Variants in PLBD2 observed in about 807,000 individuals in gnomAD.
PLBD2 encodes putative aminopeptidase PLBD2.
Under a neutral mutation model 68.3 loss-of-function variants are expected in PLBD2, and 51 were observed. The ratio of observed to expected loss-of-function variants is 0.75; its 90% confidence interval spans 0.60 to 0.94. The LOEUF is 0.94. Ranked by LOEUF, PLBD2 falls within the 40% of genes least tolerant of loss-of-function variation. The pLI, the probability that PLBD2 is intolerant of heterozygous loss-of-function variation, is 0.00. For missense variants in PLBD2, 729 were observed against 792.2 expected (o/e 0.92, Z 0.96); for synonymous variants, 314 against 339.3 (o/e 0.93, Z 0.82).
chr12:113,361,608 A>G (rs1282977737), intron 1 of PLBD2, among the ~76,000 whole-genome samples: 1 of 151,974 alleles, frequency 6.6e-6, no homozygotes, highest in Non-Finnish European at 1.5e-5. Flanking sequence ...TAGCATCCCC[A>G]AATGTTGGGA....
At chr12:113,382,830 G>GTTT (rs1179441269) in intron 6 of PLBD2, among the ~76,000 whole-genome samples, 26 of 126,344 alleles carry the variant, frequency 2.1e-4, no homozygotes, top group African/African-American at 7.8e-4. Flanking sequence ...GGTGGTGGTG[G>GTTT]TTTTTTGTGT....
chr12:113,372,608 C>A lies in PLBD2; in HGVS notation c.385-41C>A, dbSNP rs112330803. 6.3e-7 allele frequency: 1 copy of A among 1,596,596 alleles called. No individual in the cohort carries two copies. The highest frequency in any genetic ancestry group is 2.2e-5 in the East Asian group (1 of 44,664). On this transcript the variant is annotated intron_variant, in intron 2 of 11. Coordinates refer to ENST00000280800, the MANE Select transcript of PLBD2 (RefSeq NM_173542.4). The surrounding 1 kb of genome is among the most constrained non-coding windows in gnomAD (Gnocchi z 4.2). The stretch of plus-strand genomic sequence containing the variant: ...GGGGGCTCTCAGGGAAGAGAGCACC[C>A]CAGCTGCCCGCCCTTGCCTCGCCCA...
chr12:113,379,038 G>A (rs149669868), intron 5 of PLBD2, among the ~76,000 whole-genome samples: 109 of 152,206 alleles, frequency 7.2e-4, no homozygotes, highest in African/African-American at 2.5e-3. Context: ...GCCAGACGCG[G>A]TGGCTCATGC....
intron 11 of PLBD2, 102 bp downstream of exon 11, chr12:113,388,008 A>G: frequency 7.0e-7 from 1 of 1,424,626 alleles, no homozygotes; most frequent in Non-Finnish European, 9.7e-7. Context: ...CGGGGCAGGA[A>G]TCACAGTCGG....
At position 113,359,042 on chromosome 12, in the gene PLBD2, G is replaced by T. The variant is rs556751533; in HGVS notation, c.290+152G>T. On this transcript the variant is annotated intron_variant, in intron 1 of 11. Transcript: ENST00000280800. ...TCCCGAGGCTGCAGCACCGCCCTGC[G>T]GGCCAAGTACCCTGTTTGGGAGCTG... 211 of 876,736 alleles carry T rather than the reference G, an allele frequency of 2.4e-4. No homozygotes were observed. The African/African-American group carries it at 3.6e-3, about 15-fold the overall frequency. The allele number at this position is 876,736 out of a possible 1,614,324, so 54.3% of individuals were successfully genotyped here.
At chr12:113,364,348 G>A (rs1034029395) in intron 1 of PLBD2, among the ~76,000 whole-genome samples, 18 of 152,300 alleles carry the variant, frequency 1.2e-4, no homozygotes, top group Admixed American at 6.5e-4. Context: ...CAGTTTGTCC[G>A]AGGTCTCCTT....
chr12:113,382,351 A>G (rs1957498889), intron 6 of PLBD2, among the ~76,000 whole-genome samples: 1 of 152,240 alleles, frequency 6.6e-6, no homozygotes, highest in African/African-American at 2.4e-5. Context: ...ATCTGATGGA[A>G]AAACATCTGT....
At chr12:113,368,276 T>C (rs1172510484) in intron 1 of PLBD2, among the ~76,000 whole-genome samples, 1 of 152,170 alleles carries the variant, frequency 6.6e-6, no homozygotes, top group Non-Finnish European at 1.5e-5. Flanking sequence ...TCCGCTAGTA[T>C]TGGGCAGCAG....
At position 113,364,132 on chromosome 12, in the gene PLBD2, T is replaced by TA. The variant is rs1957320964; in HGVS notation, c.291-4983dup. On this transcript the variant is annotated intron_variant, in intron 1 of 11. Coordinates refer to ENST00000280800, the MANE Select transcript of PLBD2 (RefSeq NM_173542.4). The stretch of plus-strand genomic sequence containing the variant: ...AAGTCCTGCTGTGAAGAAGGGCCTT[T>TA]ATGCCCATCTCTGCAGGGCTGTATG... Among the ~76,000 whole-genome samples, 4 of 152,254 alleles carry TA rather than the reference T, an allele frequency of 2.6e-5. No homozygotes were observed. The South Asian group carries it at 8.3e-4, about 31-fold the overall frequency.
At chr12:113,365,320 G>T (rs2136901522) in intron 1 of PLBD2, among the ~76,000 whole-genome samples, 1 of 151,914 alleles carries the variant, frequency 6.6e-6, no homozygotes, top group South Asian at 2.1e-4. Context: ...ACGGTTGTTG[G>T]AAGAATTTTT....
intron 6 of PLBD2, among the ~76,000 whole-genome samples, chr12:113,381,060 C>T (rs1004802137): frequency 8.5e-5 from 13 of 152,056 alleles, no homozygotes; most frequent in Non-Finnish European, 1.8e-4. Flanking sequence ...GGACTTGGAC[C>T]ACCACAAGGG....
At position 113,388,800 on chromosome 12, in the gene PLBD2, A is replaced by C; in HGVS notation, c.*174A>C. 2 of 603,900 alleles carry C rather than the reference A, an allele frequency of 3.3e-6. No homozygotes were observed. The highest frequency in any genetic ancestry group is 4.0e-5 in the Admixed American group (1 of 25,106). 37.4% of individuals were successfully genotyped at this position (603,900 alleles called of 1,614,324 possible). Reference sequence around the variant, plus strand: ...ACGAACCTGATGGGGCTCAGAACTGACCCCCTCTCTCCCCCGAGGTGGGTG... The same window carrying C: ...ACGAACCTGATGGGGCTCAGAACTGCCCCCCTCTCTCCCCCGAGGTGGGTG... On this transcript the variant is annotated 3_prime_UTR_variant, in exon 12 of 12. Coordinates refer to ENST00000280800, the MANE Select transcript of PLBD2 (RefSeq NM_173542.4).
At chr12:113,385,069 A>C in intron 8 of PLBD2, 123 bp downstream of exon 8, 1 of 1,301,018 alleles carries the variant, frequency 7.7e-7, no homozygotes. Flanking sequence ...GCTGGAAGAG[A>C]AGGTGTCCCT....
intron 11 of PLBD2, 140 bp from the exon 12 acceptor site, chr12:113,388,319 G>A (rs1957574054): frequency 1.2e-5 from 10 of 824,550 alleles, no homozygotes; most frequent in Non-Finnish European, 1.6e-5. Context: ...TCCAACCTGG[G>A]TGACAGAGCA....
intron 5 of PLBD2, among the ~76,000 whole-genome samples, chr12:113,378,952 G>A (rs1217126092): frequency 6.6e-6 from 1 of 152,144 alleles, no homozygotes; most frequent in African/African-American, 2.4e-5. Flanking sequence ...GGGATTACAG[G>A]CGTGAGCCAC....
intron 1 of PLBD2, among the ~76,000 whole-genome samples, chr12:113,362,694 C>A (rs891930842): frequency 4.6e-5 from 7 of 151,822 alleles, no homozygotes; most frequent in Admixed American, 3.3e-4. Context: ...TATTTGTCAA[C>A]CCCTGTCAGC....
intron 1 of PLBD2, among the ~76,000 whole-genome samples, 197 bp downstream of exon 1, chr12:113,359,087 C>A (rs1409323626): frequency 6.6e-6 from 1 of 152,260 alleles, no homozygotes. Context: ...GCATCCCTCA[C>A]CTCATGGGGC....
At position 113,384,370 on chromosome 12, in the gene PLBD2, C is replaced by T. The variant is rs1008639796; in HGVS notation, c.1118+105C>T. On this transcript the variant is annotated intron_variant, in intron 7 of 11. Coordinates refer to ENST00000280800, the MANE Select transcript of PLBD2 (RefSeq NM_173542.4). This position sits in a 1 kb window ranked among gnomAD's most constrained non-coding sequence, Gnocchi z 4.2. ...GACCAGATGTGGCATCCGGGCCACACACCCCACGCCCTCCTTTGTTTCATA... is the reference window on the plus strand; with the variant it reads ...GACCAGATGTGGCATCCGGGCCACATACCCCACGCCCTCCTTTGTTTCATA... The T allele has an allele frequency of 6.7e-6, 9 of 1,351,164 alleles. No homozygotes were observed. Among genetic ancestry groups the T allele is most frequent in the African/African-American group, 2.9e-5 (2 of 68,870 alleles). The allele number at this position is 1,351,164 out of a possible 1,614,324, so 83.7% of individuals were successfully genotyped here. A position where few individuals can be genotyped will look rare whatever the true frequency, so the allele number is the denominator to read the frequency against.
Position 113,387,652 on chromosome 12 carries a change from A to T in PLBD2, c.1440-92A>T, listed in dbSNP as rs760973364. 475 of 1,381,880 alleles carry T rather than the reference A, an allele frequency of 3.4e-4. 1 individual carries two copies. The highest frequency in any genetic ancestry group is 4.6e-4 in the Non-Finnish European group (454 of 990,632). 85.6% of individuals were successfully genotyped at this position (1,381,880 alleles called of 1,614,324 possible). ...GGGGCTCATCAAGTTGAAGGCTGGC[A>T]GCTGTTAACGGGGCTGCCTGTGAGG... On this transcript the variant is annotated intron_variant, in intron 10 of 11. Coordinates refer to ENST00000280800, the MANE Select transcript of PLBD2 (RefSeq NM_173542.4).
Sources: allele counts gnomAD v4.1 joint callset (sites outside exome capture counted in the v4.1 genomes callset), GRCh38; gene constraint gnomAD v4.1.1; non-coding constraint Gnocchi (gnomAD v3.1); transcripts MANE v1.5; gene names NCBI Gene and HGNC (gene_info 2026-07-23, HGNC 2026-07-21).